The following PTGES variants were observed in gnomAD, a reference collection of about 807,000 sequenced individuals.
The protein encoded by PTGES is prostaglandin E synthase.
Under a neutral mutation model 11.8 loss-of-function variants are expected in PTGES, and 3 were observed. The observed-to-expected ratio is 0.25, with a 90% CI of 0.12 to 0.66. The LOEUF is 0.66. Among genes scored for constraint, PTGES ranks in the 30% least tolerant of loss-of-function variants. The pLI is 0.82. For missense variants in PTGES, 180 were observed against 213.0 expected (o/e 0.85, Z 0.96); for synonymous variants, 94 against 90.4 (o/e 1.04, Z -0.22).
rs200765565 is a variant in PTGES at position 129,752,874 on chromosome 9, G to C, written c.126+13C>G. 2 of 1,613,962 alleles carry C rather than the reference G, an allele frequency of 1.2e-6. No homozygotes were observed. Among genetic ancestry groups the C allele is most frequent in the African/African-American group, 1.3e-5 (1 of 75,070 alleles). Reference sequence around the variant, plus strand: ...GTATGACCCAGGCCGGGGACCCCCAGGGAGGCACATACCTTCTTCCGCAGC... The same window carrying C: ...GTATGACCCAGGCCGGGGACCCCCACGGAGGCACATACCTTCTTCCGCAGC... On this transcript the variant is annotated intron_variant, in intron 1 of 2. Transcript: ENST00000340607.
intron 1 of PTGES, 145 bp from the exon 2 acceptor site, chr9:129,748,882 T>G: frequency 3.1e-6 from 2 of 648,762 alleles, no homozygotes; most frequent in African/African-American, 2.0e-5. Flanking sequence ...CCACGATTCC[T>G]ACCCTGTGCC....
rs1036697296 is a variant in PTGES at position 129,745,756 on chromosome 9, G to A, written c.209+2899C>T. ...GATGAGGGGTTATTTTGGGCTGGGC[G>A]CAATGGCTCACGCCTGTAATCCCAG... On this transcript the variant is annotated intron_variant, in intron 2 of 2. Transcript: ENST00000340607. This position sits in a 1 kb window ranked among gnomAD's most constrained non-coding sequence, Gnocchi z 4.2. Among the ~76,000 whole-genome samples the A allele has an allele frequency of 2.6e-5, 4 of 152,156 alleles. No individual in the cohort carries two copies. The highest frequency in any genetic ancestry group is 3.9e-4 in the East Asian group (2 of 5,192).
At chr9:129,747,152 C>T (rs10988491) in intron 2 of PTGES, among the ~76,000 whole-genome samples, 717 of 151,986 alleles carry the variant, frequency 4.7e-3, no homozygotes, top group Non-Finnish European at 7.4e-3. Flanking sequence ...TGCCGGCCCT[C>T]GAAAATGTTG....
chr9:129,743,598 C>T lies in PTGES; in HGVS notation c.210-3738G>A, dbSNP rs374297269. 3.1e-4 allele frequency among the ~76,000 whole-genome samples: 47 copies of T among 152,274 alleles called. 1 individual carries two copies. The highest frequency in any genetic ancestry group is 1.0e-3 in the African/African-American group (43 of 41,564). On this transcript the variant is annotated intron_variant, in intron 2 of 2. Transcript: ENST00000340607. The stretch of plus-strand genomic sequence containing the variant: ...GGCCAGGACAGGGACAGCTGCTGGC[C>T]GCTCCACAGGGTCTCCTCTTCTCTC...
At chr9:129,752,741 G>A in intron 1 of PTGES, 146 bp downstream of exon 1, 2 of 1,245,400 alleles carry the variant, frequency 1.6e-6, no homozygotes, top group Non-Finnish European at 2.3e-6. Flanking sequence ...GGACTGGCAG[G>A]AAGCCCCCCG....
rs553015227 is a variant in PTGES at position 129,748,523 on chromosome 9, ACAGT to A, written c.209+128_209+131del. ...AAATTAAATCATTGAATAAAGTAAA[ACAGT>A]CAGAGAAGATCAGGAACACAGAAAA... On this transcript the variant is annotated intron_variant, in intron 2 of 2. Transcript: ENST00000340607. The A allele has an allele frequency of 9.5e-5, 60 of 634,640 alleles. No homozygotes were observed. The Admixed American group carries it at 1.9e-3, about 20-fold the overall frequency. 39.3% of individuals were successfully genotyped at this position (634,640 alleles called of 1,614,324 possible). A position where few individuals can be genotyped will look rare whatever the true frequency, so the allele number is the denominator to read the frequency against.
At chr9:129,740,837 C>T (rs1394102806) in intron 2 of PTGES, among the ~76,000 whole-genome samples, 2 of 152,144 alleles carry the variant, frequency 1.3e-5, no homozygotes, top group Admixed American at 1.3e-4. Flanking sequence ...AATTCAGTGC[C>T]CAGGGCATGA....
chr9:129,750,380 A>G lies in PTGES; in HGVS notation c.127-1643T>C, dbSNP rs371775601. Among the ~76,000 whole-genome samples, 6 of 152,080 alleles carry G rather than the reference A, an allele frequency of 3.9e-5. No individual in the cohort carries two copies. The East Asian group carries it at 7.7e-4, about 20-fold the overall frequency. ...AGATCTTCGAGATTGGAACCTTCAC[A>G]CCCAAAATTCCTCTCTGCTGGCCCT... On this transcript the variant is annotated intron_variant, in intron 1 of 2. Transcript: ENST00000340607.
intron 1 of PTGES, among the ~76,000 whole-genome samples, chr9:129,750,742 C>T (rs1019879741): frequency 3.3e-5 from 5 of 152,206 alleles, no homozygotes; most frequent in Admixed American, 3.3e-4. Context: ...TTGCATTCTC[C>T]TGGCGCTGCT....
chr9:129,745,988 C>T lies in PTGES; in HGVS notation c.209+2667G>A, dbSNP rs1221779356. On this transcript the variant is annotated intron_variant, in intron 2 of 2. Coordinates refer to ENST00000340607, the MANE Select transcript of PTGES (RefSeq NM_004878.5). The surrounding 1 kb of genome is among the most constrained non-coding windows in gnomAD (Gnocchi z 4.2). ...GGCAGAGGTTGCAGAGAGCCGAGAT[C>T]GTGCCATTGCATTTCAGCCTGGGGG... 6.6e-6 allele frequency among the ~76,000 whole-genome samples: 1 copy of T among 150,560 alleles called. No homozygotes were observed. The highest frequency in any genetic ancestry group is 1.5e-5 in the Non-Finnish European group (1 of 67,848).
intron 1 of PTGES, 58 bp from the exon 2 acceptor site, chr9:129,748,795 GC>G: frequency 7.0e-7 from 1 of 1,419,218 alleles, no homozygotes; most frequent in Non-Finnish European, 9.7e-7. Context: ...GTCACCTGGG[GC>G]TATGTTTTGT....
chr9:129,752,831 G>A (rs1833127714), intron 1 of PTGES, 56 bp downstream of exon 1: 1 of 1,612,712 alleles, frequency 6.2e-7, no homozygotes. Flanking sequence ...TTTCCTGACA[G>A]GACGTGGAGA....
intron 2 of PTGES, among the ~76,000 whole-genome samples, chr9:129,741,396 C>G (rs1207715444): frequency 1.3e-5 from 2 of 152,296 alleles, no homozygotes; most frequent in African/African-American, 4.8e-5. Flanking sequence ...CTTTCTCAGG[C>G]CAAACTCAGG....
rs1248723112 is a variant in PTGES, at chr9:129,753,033, C to T, written c.-21G>A. 6.3e-7 allele frequency: 1 copy of T among 1,597,800 alleles called. No homozygotes were observed. The highest frequency in any genetic ancestry group is 1.1e-5 in the South Asian group (1 of 90,704). On this transcript the variant is annotated 5_prime_UTR_variant, in exon 1 of 3. Transcript: ENST00000340607. ...GGCATCTCTGGCCAGCGCAGCTCAACTGTGGGTGTGATCAGCTCGACAGAG... is the reference window on the plus strand; with the variant it reads ...GGCATCTCTGGCCAGCGCAGCTCAATTGTGGGTGTGATCAGCTCGACAGAG...
At chr9:129,746,693 A>G (rs45614934) in intron 2 of PTGES, among the ~76,000 whole-genome samples, 3,277 of 152,202 alleles carry the variant, frequency 0.022, 122 homozygotes, top group African/African-American at 0.075. Flanking sequence ...GACCCATGAG[A>G]CAGTTTGTCT....
chr9:129,751,218 G>T (rs900855890), intron 1 of PTGES, among the ~76,000 whole-genome samples: 1 of 152,064 alleles, frequency 6.6e-6, no homozygotes, highest in Non-Finnish European at 1.5e-5. Flanking sequence ...AGCTACTTGG[G>T]AGGCTGAAGT....
chr9:129,739,603 G>T lies in PTGES; in HGVS notation c.*8C>A, dbSNP rs1423799836. On this transcript the variant is annotated 3_prime_UTR_variant, in exon 3 of 3. Coordinates refer to ENST00000340607, the MANE Select transcript of PTGES (RefSeq NM_004878.5). This position sits in a 1 kb window ranked among gnomAD's most constrained non-coding sequence, Gnocchi z 5.7. ...TGGTCTGGTGGCCAAGGAGGCATCA[G>T]CTGCTGGTCACAGGTGGCGGGCCGC... is the stretch of plus-strand genomic sequence containing the variant. 4.1e-5 allele frequency: 63 copies of T among 1,549,014 alleles called. No individual in the cohort carries two copies. The highest frequency in any genetic ancestry group is 5.5e-5 in the Non-Finnish European group (63 of 1,146,210).
At position 129,745,867 on chromosome 9, in the gene PTGES, T is replaced by TA. The variant is rs1033066928; in HGVS notation, c.209+2787dup. Among the ~76,000 whole-genome samples, 179 of 148,204 alleles carry TA rather than the reference T, an allele frequency of 1.2e-3. No homozygotes were observed. Among genetic ancestry groups the TA allele is most frequent in the African/African-American group, 3.7e-3 (149 of 40,458 alleles). ...CAACATGGTGAAACTCTGTCTCTAC[T>TA]AAAAAAAAAATACAAAAATTAGCTG... is the stretch of plus-strand genomic sequence containing the variant. On this transcript the variant is annotated intron_variant, in intron 2 of 2. Coordinates refer to ENST00000340607, the MANE Select transcript of PTGES (RefSeq NM_004878.5). The surrounding 1 kb of genome is among the most constrained non-coding windows in gnomAD (Gnocchi z 4.2).
At position 129,738,411 on chromosome 9, in the gene PTGES, ACACACAC is replaced by A. The variant is rs1461096656; in HGVS notation, c.*1193_*1199del. On this transcript the variant is annotated 3_prime_UTR_variant, in exon 3 of 3. Transcript: ENST00000340607. This position sits in a 1 kb window ranked among gnomAD's most constrained non-coding sequence, Gnocchi z 4.2. ...TCTCAGGTCACGGGTCTAGGAGAAA[ACACACAC>A]ACACACACACACACACACACACACA... 3.9e-4 allele frequency: 1 copy of A among 2,596 alleles called. No homozygotes were observed. 0.2% of individuals were successfully genotyped at this position (2,596 alleles called of 1,614,324 possible).
Sources: allele counts gnomAD v4.1 joint callset (sites outside exome capture counted in the v4.1 genomes callset), GRCh38; gene constraint gnomAD v4.1.1; non-coding constraint Gnocchi (gnomAD v3.1); transcripts MANE v1.5; gene names NCBI Gene and HGNC (gene_info 2026-07-23, HGNC 2026-07-21).